The following KIFC1 variants were observed in gnomAD, a reference collection of about 807,000 sequenced individuals.
KIFC1 encodes the protein kinesin family member C1, also known as kinesin-like protein KIFC1.
Under a neutral mutation model 66.6 loss-of-function variants are expected in KIFC1, and 37 were observed. The observed-to-expected ratio is 0.56, with a 90% confidence interval of 0.43 to 0.73. The LOEUF (loss-of-function observed/expected upper bound fraction) is 0.73. Among genes scored for constraint, KIFC1 ranks in the 30% least tolerant of loss-of-function variants. The pLI, the probability that KIFC1 is intolerant of heterozygous loss-of-function variation, is 0.00. For missense variants in KIFC1, 721 were observed against 859.8 expected (o/e 0.84, Z 2.02); for synonymous variants, 325 against 343.5 (o/e 0.95, Z 0.60).
In KIFC1 at chr6:33,405,043, G is replaced by T; in HGVS notation, c.948G>T (p.Arg316=). The T allele has an allele frequency of 6.2e-7, 1 of 1,614,062 alleles. No homozygotes were observed. The highest frequency in any genetic ancestry group is 1.1e-5 in the South Asian group (1 of 91,084). ...AGGGCAACATCCGTGTATTCTGCCG[G>T]GTCCGCCCTGTCCTGCCGGGGGAGC... ...ELKGNIRVFC[R]VRPVLPGEPT... The change falls in exon 7 of 11, where the codon CGG becomes CGT. Residue 316 remains arginine (R), a synonymous_variant. Coordinates refer to ENST00000428849, the MANE Select transcript of KIFC1 (RefSeq NM_002263.4). The surrounding 1 kb of genome is among the most constrained non-coding windows in gnomAD (Gnocchi z 5.4).
intron 1 of KIFC1, among the ~76,000 whole-genome samples, chr6:33,396,264 G>A (rs921556455): frequency 2.6e-5 from 4 of 152,146 alleles, no homozygotes; most frequent in African/African-American, 9.7e-5. Flanking sequence ...CCAGTGGCAT[G>A]TGCTTGTTGT....
chr6:33,393,604 C>T (rs1774895763), intron 1 of KIFC1, among the ~76,000 whole-genome samples: 1 of 151,538 alleles, frequency 6.6e-6, no homozygotes, highest in African/African-American at 2.4e-5. Context: ...CCATGCCTGG[C>T]TGATTTTTTG....
At position 33,404,148 on chromosome 6, in the gene KIFC1, C is replaced by T. The variant is rs1775515562; in HGVS notation, c.756+19C>T. The T allele has an allele frequency of 1.3e-6, 2 of 1,588,980 alleles. No homozygotes were observed. Among genetic ancestry groups the T allele is most frequent in the East Asian group, 4.5e-5 (2 of 44,704 alleles). On this transcript the variant is annotated intron_variant, in intron 6 of 10. Coordinates refer to ENST00000428849, the MANE Select transcript of KIFC1 (RefSeq NM_002263.4). This position sits in a 1 kb window ranked among gnomAD's most constrained non-coding sequence, Gnocchi z 4.0. ...GAAGGAGGTAAGGGCCAGATTTTCACCAGATGTCAGCCCCGCTTTCCTGGC... is the reference window on the plus strand; with the variant it reads ...GAAGGAGGTAAGGGCCAGATTTTCATCAGATGTCAGCCCCGCTTTCCTGGC...
rs1276828595 is a variant in KIFC1, at chr6:33,406,555, C to G, written c.1828-37C>G. ...TGGGGTTGGCTGTGCAGAACCCTGC[C>G]TATTCCTAAACATCTGTCCCCACCT... On this transcript the variant is annotated intron_variant, in intron 8 of 10. Transcript: ENST00000428849. The surrounding 1 kb of genome is among the most constrained non-coding windows in gnomAD (Gnocchi z 4.5). 1 of 1,613,592 alleles carries G rather than the reference C, an allele frequency of 6.2e-7. No homozygotes were observed. Among genetic ancestry groups the G allele is most frequent in the East Asian group, 2.2e-5 (1 of 44,888 alleles).
chr6:33,405,105 G>A lies in KIFC1; in HGVS notation c.1010G>A (p.Gly337Asp), dbSNP rs1775574283. ...PPPGLLLFPS[G>D]PGGPSDPPTR... The stretch of plus-strand genomic sequence containing the variant: ...CCTGGCCTCCTCCTGTTTCCCTCTG[G>A]CCCTGGTGGGCCCTCTGATCCTCCA... The change falls in exon 7 of 11, where the codon GGC (glycine) becomes GAC (aspartate). Residue 337 changes from glycine (G) to aspartate (D), a missense_variant. Gly to Asp is a moderately conservative substitution (Grantham distance 94). Transcript: ENST00000428849. This position sits in a 1 kb window ranked among gnomAD's most constrained non-coding sequence, Gnocchi z 5.4. 6 of 1,614,128 alleles carry A rather than the reference G, an allele frequency of 3.7e-6. No individual in the cohort carries two copies. The highest frequency in any genetic ancestry group is 4.2e-6 in the Non-Finnish European group (5 of 1,180,020).
chr6:33,406,916 G>A lies in KIFC1; in HGVS notation c.1977+41G>A, dbSNP rs774259364. Reference sequence around the variant, plus strand: ...GTCAGCCTTGTCAGGACCCGTGGGTGGTTGTAGGCTTCTCCATTCCAATCC... The same window carrying A: ...GTCAGCCTTGTCAGGACCCGTGGGTAGTTGTAGGCTTCTCCATTCCAATCC... On this transcript the variant is annotated intron_variant, in intron 10 of 10. Coordinates refer to ENST00000428849, the MANE Select transcript of KIFC1 (RefSeq NM_002263.4). The surrounding 1 kb of genome is among the most constrained non-coding windows in gnomAD (Gnocchi z 4.5). 14 of 1,612,866 alleles carry A rather than the reference G, an allele frequency of 8.7e-6. No individual in the cohort carries two copies. Among genetic ancestry groups the A allele is most frequent in the Middle Eastern group, 3.3e-4 (2 of 6,072 alleles).
rs1196596357 is a variant in KIFC1, at chr6:33,405,827, G to C, written c.1536+196G>C. Among the ~76,000 whole-genome samples the C allele has an allele frequency of 6.6e-6, 1 of 152,146 alleles. No homozygotes were observed. The highest frequency in any genetic ancestry group is 1.5e-5 in the Non-Finnish European group (1 of 68,022). On this transcript the variant is annotated intron_variant, in intron 7 of 10. Coordinates refer to ENST00000428849, the MANE Select transcript of KIFC1 (RefSeq NM_002263.4). The surrounding 1 kb of genome is among the most constrained non-coding windows in gnomAD (Gnocchi z 5.4). ...AACCTGGGAGTGGCGAGGGAGTGAT[G>C]CATCTGCCAAAACGAGGAGGGTCAC...
chr6:33,403,769 C>T lies in KIFC1; in HGVS notation c.396C>T (p.Ser132=). The change falls in exon 6 of 11, where the codon AGC becomes AGT. Residue 132 remains serine, a synonymous_variant. Coordinates refer to ENST00000428849, the MANE Select transcript of KIFC1 (RefSeq NM_002263.4). This position sits in a 1 kb window ranked among gnomAD's most constrained non-coding sequence, Gnocchi z 4.6. ...VPPMAGGKKP[S]KRPAWDLKGQ... ...CCATGGCAGGAGGGAAGAAACCCAG[C>T]AAACGTCCAGCCTGGGACTTAAAGG... 1 of 1,613,892 alleles carries T rather than the reference C, an allele frequency of 6.2e-7. No homozygotes were observed. The highest frequency in any genetic ancestry group is 1.1e-5 in the South Asian group (1 of 91,056).
Position 33,403,543 on chromosome 6 carries a change from A to G in KIFC1, c.355+8A>G. The G allele has an allele frequency of 6.2e-7, 1 of 1,613,858 alleles. No individual in the cohort carries two copies. Among genetic ancestry groups the G allele is most frequent in the Non-Finnish European group, 8.5e-7 (1 of 1,179,706 alleles). Reference sequence around the variant, plus strand: ...CTGTCCAGAAGTCTGGCAGTAAGTGACAAACATAACCACTGGGTGAGAGGC... The same window carrying G: ...CTGTCCAGAAGTCTGGCAGTAAGTGGCAAACATAACCACTGGGTGAGAGGC... On this transcript the variant is annotated splice_region_variant and intron_variant, in intron 5 of 10. Transcript: ENST00000428849. This position sits in a 1 kb window ranked among gnomAD's most constrained non-coding sequence, Gnocchi z 4.6.
Position 33,405,126 on chromosome 6 carries a change from C to T in KIFC1, c.1031C>T (p.Pro344Leu), listed in dbSNP as rs1308143255. 6.2e-7 allele frequency: 1 copy of T among 1,614,058 alleles called. No individual in the cohort carries two copies. Among genetic ancestry groups the T allele is most frequent in the Non-Finnish European group, 8.5e-7 (1 of 1,180,050 alleles). The stretch of plus-strand genomic sequence containing the variant: ...TCTGGCCCTGGTGGGCCCTCTGATC[C>T]TCCAACCCGCCTTAGCCTCTCCCGG... ...FPSGPGGPSD[P>L]PTRLSLSRSD... The change falls in exon 7 of 11, where the codon CCT becomes CTT. Residue 344 changes from proline to leucine, a missense_variant. Pro to Leu is a moderately conservative substitution (Grantham distance 98). Coordinates refer to ENST00000428849, the MANE Select transcript of KIFC1 (RefSeq NM_002263.4). The surrounding 1 kb of genome is among the most constrained non-coding windows in gnomAD (Gnocchi z 5.4).
chr6:33,397,884 T>C (rs1775139687), intron 1 of KIFC1, 145 bp from the exon 2 acceptor site: 2 of 819,432 alleles, frequency 2.4e-6, no homozygotes, highest in Middle Eastern at 3.3e-4. Context: ...CTGTTCATGC[T>C]GTCTGGCACA....
rs61736175 is a variant in KIFC1, at chr6:33,404,029, G to A, written c.656G>A (p.Arg219Gln). The A allele has an allele frequency of 8.2e-3, 13,303 of 1,614,164 alleles. 96 individuals are homozygous for A. Among genetic ancestry groups the A allele is most frequent in the South Asian group, 0.018 (1,656 of 91,088 alleles). The change falls in exon 6 of 11, where the codon CGG becomes CAG. Residue 219 changes from arginine (R) to glutamine (Q), a missense_variant. Coordinates refer to ENST00000428849, the MANE Select transcript of KIFC1 (RefSeq NM_002263.4). The surrounding 1 kb of genome is among the most constrained non-coding windows in gnomAD (Gnocchi z 4.0). ...LRACVLELEE[R>Q]LSTQEGLVQE... ...GCTTGTGTCCTGGAGCTGGAAGAGC[G>A]GCTGAGCACGCAGGAGGGCTTGGTG...
Position 33,405,059 on chromosome 6 carries a change from C to T in KIFC1, c.964C>T (p.Pro322Ser), listed in dbSNP as rs1775570110. 8.7e-6 allele frequency: 14 copies of T among 1,613,984 alleles called. No individual in the cohort carries two copies. The highest frequency in any genetic ancestry group is 1.3e-5 in the African/African-American group (1 of 74,928). Reference sequence around the variant, plus strand: ...ATTCTGCCGGGTCCGCCCTGTCCTGCCGGGGGAGCCCACTCCACCCCCTGG... The same window carrying T: ...ATTCTGCCGGGTCCGCCCTGTCCTGTCGGGGGAGCCCACTCCACCCCCTGG... ...RVFCRVRPVL[P>S]GEPTPPPGLL... The change falls in exon 7 of 11, where the codon CCG (proline) becomes TCG (serine). Residue 322 changes from proline (P) to serine (S), a missense_variant. Pro to Ser is a moderately conservative substitution (Grantham distance 74). Coordinates refer to ENST00000428849, the MANE Select transcript of KIFC1 (RefSeq NM_002263.4). This position sits in a 1 kb window ranked among gnomAD's most constrained non-coding sequence, Gnocchi z 5.4.
In KIFC1 at chr6:33,393,344, C is replaced by CT. The variant is rs561602516; in HGVS notation, c.12+1348dup. Among the ~76,000 whole-genome samples, 32 of 151,070 alleles carry CT rather than the reference C, an allele frequency of 2.1e-4. 1 individual carries two copies. In the South Asian group the frequency reaches 6.0e-3, roughly 29 times the overall value. On this transcript the variant is annotated intron_variant, in intron 1 of 10. Coordinates refer to ENST00000428849, the MANE Select transcript of KIFC1 (RefSeq NM_002263.4). ...GGGGGTCGTTGTGAGGACTTTTACTCTGAGTGAGATGGGGAATCATTGGAT... is the reference window on the plus strand; with the variant it reads ...GGGGGTCGTTGTGAGGACTTTTACTCTTGAGTGAGATGGGGAATCATTGGAT...
chr6:33,407,052 TA>T (rs869039839), intron 10 of KIFC1, 177 bp downstream of exon 10: 2 of 1,414,934 alleles, frequency 1.4e-6, no homozygotes, highest in Non-Finnish European at 1.8e-6. Context: ...TTAAGTTTTT[TA>T]AAAAACGGGT....
In KIFC1 at chr6:33,400,053, T is replaced by C. The variant is rs951292083; in HGVS notation, c.250+1666T>C. On this transcript the variant is annotated intron_variant, in intron 3 of 10. Transcript: ENST00000428849. The surrounding 1 kb of genome is among the most constrained non-coding windows in gnomAD (Gnocchi z 4.3). Reference sequence around the variant, plus strand: ...TGATCCTTTATTGAAATATTTTCCTTTGTGCTTAACTAGCTGGGCATTCCA... The same window carrying C: ...TGATCCTTTATTGAAATATTTTCCTCTGTGCTTAACTAGCTGGGCATTCCA... The C allele has an allele frequency of 1.3e-5, 9 of 697,880 alleles. No homozygotes were observed. Among genetic ancestry groups the C allele is most frequent in the African/African-American group, 1.2e-4 (7 of 56,220 alleles). The allele number at this position is 697,880 out of a possible 1,614,324, so 43.2% of individuals were successfully genotyped here.
In KIFC1 at chr6:33,406,493, A is replaced by AAT; in HGVS notation, c.1827+7_1827+8insAT. ...CATGGCCCTGAGCAACAAGGTGGGA[A>AAT]TGGGAGTGGGGTGAGATACGGGACC... On this transcript the variant is annotated splice_region_variant and intron_variant, in intron 8 of 10. Transcript: ENST00000428849. This position sits in a 1 kb window ranked among gnomAD's most constrained non-coding sequence, Gnocchi z 4.5. 1 of 1,601,994 alleles carries AAT rather than the reference A, an allele frequency of 6.2e-7. No individual in the cohort carries two copies. Among genetic ancestry groups the AAT allele is most frequent in the Non-Finnish European group, 8.5e-7 (1 of 1,172,528 alleles).
chr6:33,397,413 T>C (rs1462718703), intron 1 of KIFC1, among the ~76,000 whole-genome samples: 2 of 150,080 alleles, frequency 1.3e-5, no homozygotes, highest in African/African-American at 2.5e-5. Context: ...TTCTCCTGAC[T>C]CAGCCTCCCG....
In KIFC1 at chr6:33,409,896, A is replaced by G; in HGVS notation, c.*206A>G. 1 of 596,820 alleles carries G rather than the reference A, an allele frequency of 1.7e-6. No homozygotes were observed. Among genetic ancestry groups the G allele is most frequent in the South Asian group, 2.1e-5 (1 of 47,932 alleles). 37.0% of individuals were successfully genotyped at this position (596,820 alleles called of 1,614,324 possible). The stretch of plus-strand genomic sequence containing the variant: ...TAAAGGTTTTATTAGCATTTGCCCA[A>G]GAAGGCAGATACTTTCATATCTGTA... On this transcript the variant is annotated 3_prime_UTR_variant, in exon 11 of 11. Transcript: ENST00000428849.
Sources: allele counts gnomAD v4.1 joint callset (sites outside exome capture counted in the v4.1 genomes callset), GRCh38; gene constraint gnomAD v4.1.1; non-coding constraint Gnocchi (gnomAD v3.1); transcripts MANE v1.5; gene names NCBI Gene and HGNC (gene_info 2026-07-23, HGNC 2026-07-21).